The following LHFPL3 variants were observed in gnomAD, a reference collection of about 807,000 sequenced individuals.
LHFPL3 encodes LHFPL tetraspan subfamily member 3, also known as LHFPL tetraspan subfamily member 3 protein.
LHFPL3 carries 5 observed loss-of-function variants against 19.3 expected under a neutral mutation model. The observed-to-expected ratio is 0.26, with a 90% confidence interval of 0.14 to 0.54. The LOEUF is 0.54. Ranked by LOEUF, LHFPL3 falls within the 20% of genes least tolerant of loss-of-function variation. The probability of loss-of-function intolerance (pLI) is 0.94; values close to 1 mark genes in which losing one functional copy is unlikely to be tolerated. For synonymous variants in LHFPL3, 133 were observed against 126.2 expected (o/e 1.05, Z -0.36); for missense variants, 249 against 307.4 (o/e 0.81, Z 1.42).
chr7:104,455,750 C>T (rs1249021477), intron 1 of LHFPL3, among the ~76,000 whole-genome samples: 1 of 152,146 alleles, frequency 6.6e-6, no homozygotes, highest in Non-Finnish European at 1.5e-5. Flanking sequence ...TTATTCCTCT[C>T]AGATTGCTAA....
At chr7:104,655,559 C>T (rs535174029) in intron 1 of LHFPL3, among the ~76,000 whole-genome samples, 1 of 152,296 alleles carries the variant, frequency 6.6e-6, no homozygotes, top group South Asian at 2.1e-4. Flanking sequence ...AAACATGACT[C>T]TTATGTGGAC....
chr7:104,501,099 CA>C lies in LHFPL3; in HGVS notation c.445+171884del, dbSNP rs138166655. ...CTCCAGGGTTTATCACAATATCTGGCAAAAAAAAATGCTCAATAAATGTTTA... is the reference window on the plus strand; with the variant it reads ...CTCCAGGGTTTATCACAATATCTGGCAAAAAAAATGCTCAATAAATGTTTA... On this transcript the variant is annotated intron_variant, in intron 1 of 2. Transcript: ENST00000424859. Among the ~76,000 whole-genome samples, 1,174 of 149,496 alleles carry C rather than the reference CA, an allele frequency of 7.9e-3. 11 individuals are homozygous for C. The highest frequency in any genetic ancestry group is 0.012 in the Non-Finnish European group (836 of 67,348).
At chr7:104,779,869 T>A (rs1427822256) in intron 2 of LHFPL3, among the ~76,000 whole-genome samples, 1 of 152,210 alleles carries the variant, frequency 6.6e-6, no homozygotes, top group Non-Finnish European at 1.5e-5. Context: ...GTTTCATGGC[T>A]AAAGCCCCTA....
At position 104,591,951 on chromosome 7, in the gene LHFPL3, G is replaced by A. The variant is rs144171343; in HGVS notation, c.446-144724G>A. Reference sequence around the variant, plus strand: ...ATTCATCATGTCATTCTCGTGCCACGGTTTTCAGCTCCATCAGGTCATTTA... The same window carrying A: ...ATTCATCATGTCATTCTCGTGCCACAGTTTTCAGCTCCATCAGGTCATTTA... On this transcript the variant is annotated intron_variant, in intron 1 of 2. Coordinates refer to ENST00000424859, the MANE Select transcript of LHFPL3 (RefSeq NM_199000.3). Among the ~76,000 whole-genome samples the A allele has an allele frequency of 4.1e-3, 625 of 152,246 alleles. 35 individuals carry two copies. The East Asian group carries it at 0.099, about 24-fold the overall frequency.
At chr7:104,663,819 A>G (rs919292633) in intron 1 of LHFPL3, among the ~76,000 whole-genome samples, 6 of 152,186 alleles carry the variant, frequency 3.9e-5, no homozygotes, top group African/African-American at 1.4e-4. Flanking sequence ...TGTAAATGAG[A>G]GGTCTTTGGA....
chr7:104,328,631 GATGCA>G lies in LHFPL3; in HGVS notation c.-148_-144del, dbSNP rs1801507702. 1 of 698,518 alleles carries G rather than the reference GATGCA, an allele frequency of 1.4e-6. No individual in the cohort carries two copies. Among genetic ancestry groups the G allele is most frequent in the Non-Finnish European group, 2.4e-6 (1 of 419,860 alleles). 43.3% of individuals were successfully genotyped at this position (698,518 alleles called of 1,614,324 possible). The stretch of plus-strand genomic sequence containing the variant: ...CCCCCGCCCTCCTTCCGGGAGCGAG[GATGCA>G]GACTCTGAAACTGGTGCTGCTGGGC... On this transcript the variant is annotated 5_prime_UTR_variant, in exon 1 of 3. It removes an upstream start codon present in the reference 5' UTR. Coordinates refer to ENST00000424859, the MANE Select transcript of LHFPL3 (RefSeq NM_199000.3). This position sits in a 1 kb window ranked among gnomAD's most constrained non-coding sequence, Gnocchi z 4.6.
chr7:104,653,750 G>A (rs1792074621), intron 1 of LHFPL3, among the ~76,000 whole-genome samples: 1 of 152,000 alleles, frequency 6.6e-6, no homozygotes, highest in South Asian at 2.1e-4. Flanking sequence ...TGCCTGCAGG[G>A]ACTTTTTCAT....
At chr7:104,491,477 A>T (rs932707154) in intron 1 of LHFPL3, among the ~76,000 whole-genome samples, 1 of 151,998 alleles carries the variant, frequency 6.6e-6, no homozygotes, top group Non-Finnish European at 1.5e-5. Flanking sequence ...ATGTAAAAAA[A>T]AAAACAAATT....
chr7:104,646,536 T>C (rs1465201957), intron 1 of LHFPL3, among the ~76,000 whole-genome samples: 1 of 152,212 alleles, frequency 6.6e-6, no homozygotes, highest in Non-Finnish European at 1.5e-5. Context: ...CTGGTTTCTA[T>C]TGGGAAAATA....
chr7:104,821,162 T>C (rs943195912), intron 2 of LHFPL3, among the ~76,000 whole-genome samples: 1 of 152,228 alleles, frequency 6.6e-6, no homozygotes, highest in Non-Finnish European at 1.5e-5. Flanking sequence ...TTTTAATAAA[T>C]GTGACAGGAA....
At chr7:104,455,613 T>A (rs1214026075) in intron 1 of LHFPL3, among the ~76,000 whole-genome samples, 1 of 152,066 alleles carries the variant, frequency 6.6e-6, no homozygotes, top group Non-Finnish European at 1.5e-5. Context: ...CCCAGCTACT[T>A]GGGAAGCTGA....
chr7:104,843,741 G>A (rs1179388439), intron 2 of LHFPL3, among the ~76,000 whole-genome samples: 2 of 152,150 alleles, frequency 1.3e-5, no homozygotes, highest in Non-Finnish European at 1.5e-5. Flanking sequence ...AAAGAGAGAA[G>A]TAAGAAGAGG....
chr7:104,643,235 A>G (rs1054590208), intron 1 of LHFPL3, among the ~76,000 whole-genome samples: 1 of 152,110 alleles, frequency 6.6e-6, no homozygotes, highest in Non-Finnish European at 1.5e-5. Flanking sequence ...CTTCTTTACC[A>G]AGCTTTCCTG....
At chr7:104,674,366 CTTTTTCTTTTTT>C (rs988597413) in intron 1 of LHFPL3, among the ~76,000 whole-genome samples, 2 of 146,960 alleles carry the variant, frequency 1.4e-5, no homozygotes, top group African/African-American at 5.0e-5. Context: ...TTTTCTTTTT[CTTTTTCTTTTTT>C]TTTTTTTTTT....
intron 1 of LHFPL3, among the ~76,000 whole-genome samples, chr7:104,456,801 A>T (rs1348144596): frequency 6.6e-6 from 1 of 152,176 alleles, no homozygotes; most frequent in East Asian, 1.9e-4. Context: ...ATGGGTGGGG[A>T]GCATCTACAA....
chr7:104,815,270 T>C (rs1293654939), intron 2 of LHFPL3, among the ~76,000 whole-genome samples: 1 of 152,122 alleles, frequency 6.6e-6, no homozygotes, highest in Non-Finnish European at 1.5e-5. Context: ...GCAGCCGGCA[T>C]GATGGCAGGG....
At chr7:104,444,066 A>G (rs1004455598) in intron 1 of LHFPL3, among the ~76,000 whole-genome samples, 2 of 152,274 alleles carry the variant, frequency 1.3e-5, no homozygotes, top group East Asian at 1.9e-4. Flanking sequence ...GAAGACTATC[A>G]TTCCACATGC....
At chr7:104,661,951 C>T (rs1041485619) in intron 1 of LHFPL3, among the ~76,000 whole-genome samples, 4 of 152,140 alleles carry the variant, frequency 2.6e-5, no homozygotes, top group African/African-American at 9.7e-5. Context: ...GCTATCATGA[C>T]AGTCGATCTA....
At chr7:104,667,147 C>T (rs753427126) in intron 1 of LHFPL3, among the ~76,000 whole-genome samples, 4 of 151,980 alleles carry the variant, frequency 2.6e-5, no homozygotes, top group Non-Finnish European at 4.4e-5. Context: ...TGCATCCTCA[C>T]CAGCATGGTT....
Sources: allele counts gnomAD v4.1 joint callset (sites outside exome capture counted in the v4.1 genomes callset), GRCh38; gene constraint gnomAD v4.1.1; non-coding constraint Gnocchi (gnomAD v3.1); transcripts MANE v1.5; gene names NCBI Gene and HGNC (gene_info 2026-07-23, HGNC 2026-07-21).